DNAH1: variants seen among roughly 807,000 people sequenced by gnomAD.
DNAH1 encodes axonemal beta dynein heavy chain 1.
In DNAH1, 327 loss-of-function variants were observed where a neutral mutation model predicts 484.3. That is an observed-to-expected ratio of 0.68 (90% CI 0.62 to 0.74). The LOEUF is 0.74. DNAH1 is among the 30% of genes least tolerant of loss of function. The probability of loss-of-function intolerance (pLI) is 0.00; values close to 1 mark genes in which losing one functional copy is unlikely to be tolerated. For missense variants in DNAH1, 5,052 were observed against 5,546.8 expected (o/e 0.91, Z 2.83); for synonymous variants, 2,192 against 2,191.9 (o/e 1.00, Z 0.00).
chr3:52,395,722 C>T lies in DNAH1; in HGVS notation c.11259+44C>T, dbSNP rs1704593993. The T allele has an allele frequency of 6.3e-7, 1 of 1,594,090 alleles. No individual in the cohort carries two copies. The highest frequency in any genetic ancestry group is 8.6e-7 in the Non-Finnish European group (1 of 1,169,330). ...CACAGACCCAGTGGGGCCGCCTCTGCATCCATCAGGGACTAATGAGGCAGA... is the reference window on the plus strand; with the variant it reads ...CACAGACCCAGTGGGGCCGCCTCTGTATCCATCAGGGACTAATGAGGCAGA... On this transcript the variant is annotated intron_variant, in intron 70 of 77. Transcript: ENST00000420323. This position sits in a 1 kb window ranked among gnomAD's most constrained non-coding sequence, Gnocchi z 4.4.
Position 52,400,456 on chromosome 3 carries a change from G to A in DNAH1, c.*10G>A. On this transcript the variant is annotated 3_prime_UTR_variant, in exon 78 of 78. Transcript: ENST00000420323. ...TGCCCTGGACTACTAGACTCAGACA[G>A]AAGGGCTGGGGCCATTAAAGCTGAA... 6.2e-7 allele frequency: 1 copy of A among 1,614,006 alleles called. No homozygotes were observed. The highest frequency in any genetic ancestry group is 1.7e-5 in the Admixed American group (1 of 60,030).
At chr3:52,360,941 C>T (rs1702828541) in intron 28 of DNAH1, among the ~76,000 whole-genome samples, 1 of 152,052 alleles carries the variant, frequency 6.6e-6, no homozygotes, top group Admixed American at 6.5e-5. Flanking sequence ...TCGGCCATCC[C>T]CAGGGGTCCC....
rs1702592322 is a variant in DNAH1, at chr3:52,355,964, C to G, written c.3694-650C>G. On this transcript the variant is annotated intron_variant, in intron 21 of 77. Coordinates refer to ENST00000420323, the MANE Select transcript of DNAH1 (RefSeq NM_015512.5). This position sits in a 1 kb window ranked among gnomAD's most constrained non-coding sequence, Gnocchi z 4.5. Reference sequence around the variant, plus strand: ...GCTGTGGGCCCCTCGAGGGAAGGGACCAGGCCGCATTCCCCTGTTTCCCCT... The same window carrying G: ...GCTGTGGGCCCCTCGAGGGAAGGGAGCAGGCCGCATTCCCCTGTTTCCCCT... Among the ~76,000 whole-genome samples, 1 of 152,226 alleles carries G rather than the reference C, an allele frequency of 6.6e-6. No homozygotes were observed. Among genetic ancestry groups the G allele is most frequent in the African/African-American group, 2.4e-5 (1 of 41,460 alleles).
intron 44 of DNAH1, chr3:52,374,619 T>C (rs1314873193): frequency 1.1e-5 from 17 of 1,492,606 alleles, no homozygotes; most frequent in Non-Finnish European, 1.9e-6. Flanking sequence ...GAATAATGAA[T>C]ACATCATGAG....
At chr3:52,393,058 C>T (rs372806312) in intron 65 of DNAH1, 33 bp downstream of exon 65, 58 of 1,599,886 alleles carry the variant, frequency 3.6e-5, no homozygotes, top group Admixed American at 1.7e-5. Context: ...CTACCCTGCA[C>T]AGATATGACC....
intron 54 of DNAH1, among the ~76,000 whole-genome samples, chr3:52,385,802 G>A (rs1055315707): frequency 1.3e-5 from 2 of 152,258 alleles, no homozygotes; most frequent in African/African-American, 4.8e-5. Context: ...GGAAGGAATA[G>A]TCAAGTGTCC....
rs551955763 is a variant in DNAH1 at position 52,396,580 on chromosome 3, C to T, written c.11431-38C>T. 9.3e-6 allele frequency: 15 copies of T among 1,611,320 alleles called. No individual in the cohort carries two copies. In the African/African-American group the frequency reaches 1.5e-4, roughly 16 times the overall value. On this transcript the variant is annotated intron_variant, in intron 71 of 77. Transcript: ENST00000420323. ...GCAGGCCTACCCTACCTGCCCCCGT[C>T]CCCGCTCCTCACCTCCCCTGCCTCC...
In DNAH1 at chr3:52,368,998, C is replaced by T. The variant is rs1703204196; in HGVS notation, c.5943+80C>T. On this transcript the variant is annotated intron_variant, in intron 37 of 77. Transcript: ENST00000420323. The surrounding 1 kb of genome is among the most constrained non-coding windows in gnomAD (Gnocchi z 4.4). ...GCTGCATCATGCTGGCCAAACTCTGCCCCCTCACCCCTTTCTCTCAGGGCC... is the reference window on the plus strand; with the variant it reads ...GCTGCATCATGCTGGCCAAACTCTGTCCCCTCACCCCTTTCTCTCAGGGCC... 2.7e-6 allele frequency: 4 copies of T among 1,496,564 alleles called. No individual in the cohort carries two copies. The highest frequency in any genetic ancestry group is 3.7e-6 in the Non-Finnish European group (4 of 1,089,724). 92.7% of individuals were successfully genotyped at this position (1,496,564 alleles called of 1,614,324 possible). A position where few individuals can be genotyped will look rare whatever the true frequency, so the allele number is the denominator to read the frequency against.
intron 10 of DNAH1, 97 bp from the exon 11 acceptor site, chr3:52,346,375 A>G (rs1199722168): frequency 1.5e-6 from 2 of 1,319,126 alleles, no homozygotes; most frequent in Non-Finnish European, 2.1e-6. Flanking sequence ...ATGAGCCCTG[A>G]GCCGCCCCAA....
At chr3:52,322,290 T>C (rs1182935243) in intron 1 of DNAH1, 119 bp from the exon 2 acceptor site, 2 of 657,006 alleles carry the variant, frequency 3.0e-6, no homozygotes, top group Non-Finnish European at 2.6e-6. Flanking sequence ...TTCTTGCTCT[T>C]CTGTTACCCA....
intron 8 of DNAH1, 51 bp downstream of exon 8, chr3:52,332,445 A>G (rs374086538): frequency 1.3e-6 from 2 of 1,588,306 alleles, no homozygotes; most frequent in African/African-American, 2.7e-5. Flanking sequence ...TCTTCAGGGA[A>G]CCTTCCCATA....
At chr3:52,334,329 C>T (rs1701660062) in intron 8 of DNAH1, among the ~76,000 whole-genome samples, 2 of 152,110 alleles carry the variant, frequency 1.3e-5, no homozygotes, top group African/African-American at 4.8e-5. Flanking sequence ...ATGAATGGAG[C>T]CTGCAGGGCT....
intron 46 of DNAH1, among the ~76,000 whole-genome samples, chr3:52,378,373 A>G (rs1703694207): frequency 6.6e-6 from 1 of 151,218 alleles, no homozygotes; most frequent in Non-Finnish European, 1.5e-5. Context: ...GTGCTCCGAC[A>G]GGCCATGTCA....
intron 47 of DNAH1, 55 bp downstream of exon 47, chr3:52,378,835 C>A: frequency 6.3e-7 from 1 of 1,596,602 alleles, no homozygotes; most frequent in Non-Finnish European, 8.6e-7. Flanking sequence ...CGCATCCTCC[C>A]CAGCCCCACC....
Position 52,366,731 on chromosome 3 carries a change from A to G in DNAH1, c.5611-2A>G. On this transcript the variant is annotated splice_acceptor_variant, in intron 35 of 77. Transcript: ENST00000420323. LOFTEE classifies it high-confidence loss of function. ...CTCACTCTCAGGCGGTCCGTCTCCCAGTGTTACAGAGTCCTGGCAGCTGCC... is the reference window on the plus strand; with the variant it reads ...CTCACTCTCAGGCGGTCCGTCTCCCGGTGTTACAGAGTCCTGGCAGCTGCC... 6.2e-7 allele frequency: 1 copy of G among 1,601,418 alleles called. No individual in the cohort carries two copies. The highest frequency in any genetic ancestry group is 8.5e-7 in the Non-Finnish European group (1 of 1,173,400).
chr3:52,350,170 G>A, intron 15 of DNAH1, 62 bp downstream of exon 15: 1 of 1,575,176 alleles, frequency 6.3e-7, no homozygotes, highest in Non-Finnish European at 8.6e-7. Context: ...AGAGTCCGAG[G>A]GCTGGGGCAG....
At position 52,386,247 on chromosome 3, in the gene DNAH1, A is replaced by G. The variant is rs199519687; in HGVS notation, c.8713A>G (p.Ile2905Val). 7.4e-6 allele frequency: 12 copies of G among 1,613,056 alleles called. No homozygotes were observed. The highest frequency in any genetic ancestry group is 5.3e-5 in the African/African-American group (4 of 74,946). The change falls in exon 55 of 78, where the codon ATT (isoleucine) becomes GTT (valine). Residue 2905 changes from isoleucine (I) to valine (V), a missense_variant. By Grantham distance (29) the Ile-to-Val change is conservative. This residue lies in a region of DNAH1 where 2,929 missense variants were observed against 3,409.4 expected (regional missense o/e 0.86). Transcript: ENST00000420323. ...TGAGAAGGCCAAGAAGGCACAAGCTATTGCTGACGATGCCCAGAAGGACCT... is the reference window on the plus strand; with the variant it reads ...TGAGAAGGCCAAGAAGGCACAAGCTGTTGCTGACGATGCCCAGAAGGACCT... ...ANEKAKKAQA[I>V]ADDAQKDLDE...
rs187379693 is a variant in DNAH1 at position 52,399,626 on chromosome 3, C to T, written c.12523C>T (p.Arg4175Cys). Residue 4175 changes from arginine to cysteine, a missense_variant, in exon 77 of 78, where the codon CGC becomes TGC. Arg to Cys is a radical substitution (Grantham distance 180). This residue lies in a region of DNAH1 where 853 missense variants were observed against 899.0 expected (regional missense o/e 0.95). Transcript: ENST00000420323. ...YIHGLFLEGA[R>C]WDPEAFQLAE... ...CCATGGATTATTCCTGGAAGGTGCC[C>T]GCTGGGATCCAGAGGCCTTCCAGCT... The T allele has an allele frequency of 1.3e-5, 21 of 1,613,950 alleles. No individual in the cohort carries two copies. Among genetic ancestry groups the T allele is most frequent in the East Asian group, 6.7e-5 (3 of 44,880 alleles).
chr3:52,345,012 C>T (rs762986082), intron 9 of DNAH1, among the ~76,000 whole-genome samples: 23 of 152,164 alleles, frequency 1.5e-4, no homozygotes, highest in Non-Finnish European at 1.6e-4. Flanking sequence ...AGCAGGACCC[C>T]GGGGCCCAAG....
Sources: allele counts gnomAD v4.1 joint callset (sites outside exome capture counted in the v4.1 genomes callset), GRCh38; gene constraint gnomAD v4.1.1; regional missense constraint gnomAD v4.1.1; non-coding constraint Gnocchi (gnomAD v3.1); transcripts MANE v1.5; gene names NCBI Gene and HGNC (gene_info 2026-07-23, HGNC 2026-07-21).